Variants in MINDY4 observed in about 807,000 individuals in gnomAD.
The protein encoded by MINDY4 is MINDY lysine 48 deubiquitinase 4, also known as probable ubiquitin carboxyl-terminal hydrolase MINDY-4.
A neutral mutation model predicts 87.0 loss-of-function variants in MINDY4; 68 were observed. The ratio of observed to expected loss-of-function variants is 0.78; its 90% CI spans 0.64 to 0.96. The LOEUF (loss-of-function observed/expected upper bound fraction) is 0.96. Ranked by LOEUF, MINDY4 falls within the 40% of genes least tolerant of loss-of-function variation. MINDY4 has a pLI of 0.00. For missense variants in MINDY4, 919 were observed against 928.2 expected (o/e 0.99, Z 0.13); for synonymous variants, 379 against 363.2 (o/e 1.04, Z -0.50).
rs1790811267 is a variant in MINDY4, at chr7:30,892,201, G to A, written c.*196G>A. The A allele has an allele frequency of 1.7e-6, 1 of 598,856 alleles. No individual in the cohort carries two copies. The highest frequency in any genetic ancestry group is 3.0e-6 in the Non-Finnish European group (1 of 338,310). The allele number at this position is 598,856 out of a possible 1,614,324, so 37.1% of individuals were successfully genotyped here. A position where few individuals can be genotyped will look rare whatever the true frequency, so the allele number is the denominator to read the frequency against. On this transcript the variant is annotated 3_prime_UTR_variant, in exon 18 of 18. Transcript: ENST00000265299. The stretch of plus-strand genomic sequence containing the variant: ...TGTGCTGGGGACCCAGTGTGTTGCT[G>A]GGTCCCCTCCCAGCTGAGCTGTGAC...
chr7:30,855,608 G>A (rs1291468536), intron 12 of MINDY4, among the ~76,000 whole-genome samples: 1 of 152,216 alleles, frequency 6.6e-6, no homozygotes, highest in Non-Finnish European at 1.5e-5. Flanking sequence ...CTGATGGACT[G>A]GGGTGGCCCC....
chr7:30,782,062 C>T lies in MINDY4; in HGVS notation c.269C>T (p.Thr90Ile), dbSNP rs779098355. The change falls in exon 3 of 18, where the codon ACT becomes ATT. Residue 90 changes from threonine (T) to isoleucine (I), a missense_variant. Transcript: ENST00000265299. ...DHFGNTANNF[T>I]QDTPIPALSV... ...TTTGGAAATACGGCTAACAATTTCA[C>T]TCAAGATACCCCAATCCCTGCACTC... The T allele has an allele frequency of 6.2e-7, 1 of 1,614,092 alleles. No homozygotes were observed. Among genetic ancestry groups the T allele is most frequent in the South Asian group, 1.1e-5 (1 of 91,070 alleles).
At position 30,841,685 on chromosome 7, in the gene MINDY4, A is replaced by G. The variant is rs190928981; in HGVS notation, c.1445+837A>G. 4.9e-3 allele frequency among the ~76,000 whole-genome samples: 748 copies of G among 152,338 alleles called. 3 individuals carry two copies. Among genetic ancestry groups the G allele is most frequent in the Non-Finnish European group, 8.2e-3 (555 of 68,042 alleles). ...ATAACATATACACAGTAGTTATACT[A>G]TGTGTGTTCTGCTCAATGAATTATC... On this transcript the variant is annotated intron_variant, in intron 9 of 17. Transcript: ENST00000265299.
chr7:30,834,938 A>G (rs183503010), intron 6 of MINDY4, among the ~76,000 whole-genome samples: 1 of 152,222 alleles, frequency 6.6e-6, no homozygotes, highest in East Asian at 1.9e-4. Context: ...TACTATCCGC[A>G]TTTTTGTCAA....
intron 14 of MINDY4, 152 bp downstream of exon 14, chr7:30,872,458 G>T (rs1239655723): frequency 7.3e-6 from 5 of 684,808 alleles, no homozygotes; most frequent in Non-Finnish European, 1.2e-5. Flanking sequence ...GCCCACCTCT[G>T]CTGGGTTTCA....
chr7:30,885,493 C>A (rs910963868), intron 17 of MINDY4, among the ~76,000 whole-genome samples: 2 of 152,196 alleles, frequency 1.3e-5, no homozygotes, highest in Non-Finnish European at 2.9e-5. Flanking sequence ...GCCTGGGCAA[C>A]AAGAGGGAAA....
chr7:30,791,896 CA>C (rs373282711), intron 5 of MINDY4, among the ~76,000 whole-genome samples: 315 of 151,802 alleles, frequency 2.1e-3, no homozygotes, highest in African/African-American at 7.2e-3. Flanking sequence ...AAAAAAATTG[CA>C]AAAAAAACTC....
chr7:30,796,812 A>G (rs533149498), intron 5 of MINDY4: 1 of 151,478 alleles, frequency 6.6e-6, no homozygotes, highest in African/African-American at 2.4e-5. Context: ...ACTAACCAAC[A>G]TATGATGTCT....
At chr7:30,850,360 T>C in intron 9 of MINDY4, 94 bp from the exon 10 acceptor site, 1 of 1,165,058 alleles carries the variant, frequency 8.6e-7, no homozygotes, top group Non-Finnish European at 1.2e-6. Context: ...ACAGGCCATC[T>C]GCGGAGGGGA....
rs141715166 is a variant in MINDY4, at chr7:30,850,506, G to T, written c.1498G>T (p.Ala500Ser). 1 of 1,612,330 alleles carries T rather than the reference G, an allele frequency of 6.2e-7. No individual in the cohort carries two copies. The highest frequency in any genetic ancestry group is 1.7e-5 in the Admixed American group (1 of 59,890). Residue 500 changes from alanine (A) to serine (S), a missense_variant, in exon 10 of 18, where the codon GCA becomes TCA. By Grantham distance (99) the Ala-to-Ser change is moderately conservative (BLOSUM62 1). Coordinates refer to ENST00000265299, the MANE Select transcript of MINDY4 (RefSeq NM_032222.3). ...GACCCGCTGCCTCGTCCTGGCCCTC[G>T]CAGACATTGTGTGGCGGGCAGGGGG... Reference protein sequence around the residue: ...HRTRCLVLALADIVWRAGGRE... With the variant: ...HRTRCLVLALSDIVWRAGGRE...
intron 6 of MINDY4, among the ~76,000 whole-genome samples, chr7:30,829,350 A>G (rs1276755923): frequency 1.3e-5 from 2 of 152,216 alleles, no homozygotes; most frequent in Non-Finnish European, 2.9e-5. Context: ...GTTTTGCAGA[A>G]GCAGCTAGAG....
intron 5 of MINDY4, among the ~76,000 whole-genome samples, chr7:30,825,159 A>G (rs912784953): frequency 6.6e-6 from 1 of 152,278 alleles, no homozygotes; most frequent in Non-Finnish European, 1.5e-5. Context: ...TCTTTTTGTC[A>G]TTGTTGTTCA....
intron 5 of MINDY4, among the ~76,000 whole-genome samples, chr7:30,817,762 C>T (rs1788200602): frequency 6.6e-6 from 1 of 152,224 alleles, no homozygotes; most frequent in South Asian, 2.1e-4. Context: ...CCAGTCTTAC[C>T]TAGCATGTGC....
chr7:30,791,598 C>T (rs779186239), intron 5 of MINDY4, 24 bp downstream of exon 5: 29 of 1,567,260 alleles, frequency 1.9e-5, no homozygotes, highest in East Asian at 6.8e-5. Context: ...GCAAAGGTGA[C>T]GGCTTTTCAA....
intron 5 of MINDY4, among the ~76,000 whole-genome samples, chr7:30,793,046 G>A (rs1485846480): frequency 6.9e-6 from 1 of 144,110 alleles, no homozygotes; most frequent in Non-Finnish European, 1.5e-5. Flanking sequence ...TTCCCATCGT[G>A]GTTTCTTTTT....
In MINDY4 at chr7:30,886,092, C is replaced by T. The variant is rs143567874; in HGVS notation, c.2225+3099C>T. ...GTCAGGAAGGGGATACACGTGACATCGTGGCATGAGCTCAGGTCATTTCAA... is the reference window on the plus strand; with the variant it reads ...GTCAGGAAGGGGATACACGTGACATTGTGGCATGAGCTCAGGTCATTTCAA... On this transcript the variant is annotated intron_variant, in intron 17 of 17. Transcript: ENST00000265299. 2.3e-3 allele frequency among the ~76,000 whole-genome samples: 348 copies of T among 152,286 alleles called. 1 individual carries two copies. The highest frequency in any genetic ancestry group is 8.0e-3 in the African/African-American group (334 of 41,556).
intron 13 of MINDY4, among the ~76,000 whole-genome samples, chr7:30,863,876 A>G (rs939484158): frequency 4.6e-5 from 7 of 152,188 alleles, no homozygotes; most frequent in Non-Finnish European, 7.3e-5. Flanking sequence ...ATGCTTGCCA[A>G]GCTTTGCTGC....
At position 30,860,247 on chromosome 7, in the gene MINDY4, C is replaced by T. The variant is rs527808968; in HGVS notation, c.1745+923C>T. Among the ~76,000 whole-genome samples the T allele has an allele frequency of 2.8e-4, 43 of 152,202 alleles. 1 individual carries two copies. The highest frequency in any genetic ancestry group is 5.9e-4 in the Non-Finnish European group (40 of 68,010). On this transcript the variant is annotated intron_variant, in intron 13 of 17. Coordinates refer to ENST00000265299, the MANE Select transcript of MINDY4 (RefSeq NM_032222.3). ...GTCACAGCAGGAGACACTTCTTTCC[C>T]GGCCTGGTTGGGTCTGGTCGGCGCC... is the stretch of plus-strand genomic sequence containing the variant.
chr7:30,814,792 C>T (rs1431835805), intron 5 of MINDY4, among the ~76,000 whole-genome samples: 4 of 152,214 alleles, frequency 2.6e-5, no homozygotes, highest in Non-Finnish European at 4.4e-5. Context: ...AGCCTCTTCA[C>T]CTTTCTAAAA....
Sources: gnomAD v4.1 joint callset for allele counts (sites outside exome capture counted in the v4.1 genomes callset) on GRCh38, gnomAD v4.1.1 for gene constraint, MANE v1.5 for transcripts, NCBI Gene and HGNC (gene_info 2026-07-23, HGNC 2026-07-21) for gene names.